TICAM2: variants seen among roughly 807,000 people sequenced by gnomAD.
TICAM2 encodes TIR domain containing adaptor molecule 2, also known as TIR domain-containing adapter molecule 2.
TICAM2 carries 8 observed loss-of-function variants against 7.3 expected under a neutral mutation model. The observed-to-expected ratio is 1.10, with a 90% CI of 0.65 to 1.99. TICAM2 has a LOEUF of 1.99. TICAM2 is among the 30% of genes most tolerant of loss of function. The probability of loss-of-function intolerance (pLI) is 0.00; values close to 1 mark genes in which losing one functional copy is unlikely to be tolerated. For synonymous variants in TICAM2, 113 were observed against 99.6 expected (o/e 1.13, Z -0.80); for missense variants, 304 against 278.8 (o/e 1.09, Z -0.65).
intron 1 of TICAM2, among the ~76,000 whole-genome samples, chr5:115,586,028 T>C (rs1329245277): frequency 6.6e-6 from 1 of 152,214 alleles, no homozygotes; most frequent in Non-Finnish European, 1.5e-5. Context: ...AGGCATTGAA[T>C]ATAGAGTCTG....
chr5:115,583,168 T>C (rs1346117027), intron 1 of TICAM2, among the ~76,000 whole-genome samples: 3 of 152,202 alleles, frequency 2.0e-5, no homozygotes, highest in South Asian at 2.1e-4. Context: ...GGTTTTGCTA[T>C]GCAAAGTTGC....
At chr5:115,589,321 G>A (rs1407425903) in intron 1 of TICAM2, among the ~76,000 whole-genome samples, 3 of 152,198 alleles carry the variant, frequency 2.0e-5, no homozygotes, top group East Asian at 1.9e-4. Flanking sequence ...ACAGATCCAC[G>A]CCAGCCAGAT....
In TICAM2 at chr5:115,590,066, G is replaced by A. The variant is rs1036862799; in HGVS notation, c.-59-8751C>T. On this transcript the variant is annotated intron_variant, in intron 1 of 1. Transcript: ENST00000427199. ...TTTTTAAATAATTATGTGAATATAG[G>A]GTCTGGTGCAGTTGTCCATGTCTGT... 2.6e-5 allele frequency among the ~76,000 whole-genome samples: 4 copies of A among 152,024 alleles called. No individual in the cohort carries two copies. In the East Asian group the frequency reaches 7.7e-4, roughly 29 times the overall value.
intron 1 of TICAM2, among the ~76,000 whole-genome samples, chr5:115,598,604 GT>G (rs1365602765): frequency 6.6e-6 from 1 of 152,146 alleles, no homozygotes; most frequent in African/African-American, 2.4e-5. Context: ...TATGGCAAGT[GT>G]TTTGATACTA....
rs1318858926 is a variant in TICAM2, at chr5:115,581,313, A to T, written c.-57T>A. Reference sequence around the variant, plus strand: ...TATGTATTTCTCAGCATTTCTTTTCAATCTAAAAGAAGTAACAAAACAGAA... The same window carrying T: ...TATGTATTTCTCAGCATTTCTTTTCTATCTAAAAGAAGTAACAAAACAGAA... On this transcript the variant is annotated splice_region_variant and 5_prime_UTR_variant, in exon 2 of 2. Coordinates refer to ENST00000427199, the MANE Select transcript of TICAM2 (RefSeq NM_021649.7). The T allele has an allele frequency of 6.3e-7, 1 of 1,596,012 alleles. No individual in the cohort carries two copies. Among genetic ancestry groups the T allele is most frequent in the Non-Finnish European group, 8.5e-7 (1 of 1,178,094 alleles).
rs1755559823 is a variant in TICAM2, at chr5:115,597,635, A to G, written c.-60+4462T>C. On this transcript the variant is annotated intron_variant, in intron 1 of 1. Transcript: ENST00000427199. ...TATGATCTCAGCTTTGTTAAACAAA[A>G]TGCAGAGAAAATAGATTAGAAAGAA... 2.6e-5 allele frequency among the ~76,000 whole-genome samples: 4 copies of G among 152,242 alleles called. No homozygotes were observed. In the South Asian group the frequency reaches 8.3e-4, roughly 32 times the overall value.
chr5:115,583,627 A>G (rs1755006451), intron 1 of TICAM2, among the ~76,000 whole-genome samples: 1 of 152,182 alleles, frequency 6.6e-6, no homozygotes, highest in South Asian at 2.1e-4. Context: ...CAAGCTGTGG[A>G]AAGTTGTGCT....
rs1561572764 is a variant in TICAM2 at position 115,581,285 on chromosome 5, CTT to C, written c.-31_-30del. On this transcript the variant is annotated 5_prime_UTR_variant, in exon 2 of 2. The change abolishes the stop of an existing upstream ORF in the 5' untranslated region. Transcript: ENST00000427199. ...AAATATCCAAGGCAGAAGAGGAAAACTTTATGTATTTCTCAGCATTTCTTTTC... is the reference window on the plus strand; with the variant it reads ...AAATATCCAAGGCAGAAGAGGAAAACTATGTATTTCTCAGCATTTCTTTTC... 1.2e-6 allele frequency: 2 copies of C among 1,601,556 alleles called. No homozygotes were observed. Among genetic ancestry groups the C allele is most frequent in the African/African-American group, 1.3e-5 (1 of 75,000 alleles).
At chr5:115,591,797 A>G (rs1259407498) in intron 1 of TICAM2, among the ~76,000 whole-genome samples, 4 of 152,158 alleles carry the variant, frequency 2.6e-5, no homozygotes, top group Admixed American at 6.5e-5. Flanking sequence ...CAACTATACA[A>G]TTAGAAGGTG....
intron 1 of TICAM2, among the ~76,000 whole-genome samples, chr5:115,594,562 C>T (rs1396451386): frequency 6.6e-6 from 1 of 152,164 alleles, no homozygotes. Flanking sequence ...CTAAGTTTTC[C>T]TCAGTCTGAA....
Position 115,581,226 on chromosome 5 carries a change from A to C in TICAM2, c.31T>G (p.Cys11Gly). The change falls in exon 2 of 2, where the codon TGC (cysteine) becomes GGC (glycine). Residue 11 changes from cysteine to glycine, a missense_variant. Cys to Gly is a radical substitution (Grantham distance 159, BLOSUM62 -3). Transcript: ENST00000427199. The stretch of plus-strand genomic sequence containing the variant: ...TTACCCCAAGAGAGAGAAAGAGGGC[A>C]GGAATTTATTTTAGACTTCCCGATA... MGIGKSKINS[C>G]PLSLSWGKRH... 1.2e-6 allele frequency: 2 copies of C among 1,610,564 alleles called. No homozygotes were observed. Among genetic ancestry groups the C allele is most frequent in the Non-Finnish European group, 1.7e-6 (2 of 1,179,974 alleles).
chr5:115,597,347 G>T (rs4920867), intron 1 of TICAM2, among the ~76,000 whole-genome samples: 13,758 of 152,112 alleles, frequency 0.09, 707 homozygotes, highest in Middle Eastern at 0.12. Flanking sequence ...TGAGTTATAT[G>T]ACTATATTTT....
intron 1 of TICAM2, among the ~76,000 whole-genome samples, chr5:115,583,159 G>T (rs984111137): frequency 4.6e-5 from 7 of 152,136 alleles, no homozygotes; most frequent in African/African-American, 1.7e-4. Flanking sequence ...AAAAAAAAGG[G>T]TTTTGCTATG....
chr5:115,600,140 AG>A (rs1190254717), intron 1 of TICAM2, among the ~76,000 whole-genome samples: 1 of 152,192 alleles, frequency 6.6e-6, no homozygotes, highest in Non-Finnish European at 1.5e-5. Context: ...GTAAATTCCT[AG>A]AATTCCGGCC....
rs1467028086 is a variant in TICAM2, at chr5:115,579,180, AT to A, written c.*1368del. On this transcript the variant is annotated 3_prime_UTR_variant, in exon 2 of 2. Transcript: ENST00000427199. Reference sequence around the variant, plus strand: ...AAATTATGCTGTCAATATACAAAAAATATCTTTTCATTATAAGCATATATAA... The same window carrying A: ...AAATTATGCTGTCAATATACAAAAAAATCTTTTCATTATAAGCATATATAA... 1.3e-5 allele frequency: 2 copies of A among 152,790 alleles called. No individual in the cohort carries two copies. The highest frequency in any genetic ancestry group is 4.8e-5 in the African/African-American group (2 of 41,600). The allele number at this position is 152,790 out of a possible 1,614,324, so 9.5% of individuals were successfully genotyped here. A position where few individuals can be genotyped will look rare whatever the true frequency, so the allele number is the denominator to read the frequency against.
At chr5:115,585,616 T>A (rs1362189637) in intron 1 of TICAM2, among the ~76,000 whole-genome samples, 1 of 152,036 alleles carries the variant, frequency 6.6e-6, no homozygotes, top group African/African-American at 2.4e-5. Context: ...ATTAACAGAA[T>A]TAGATAAAAA....
intron 1 of TICAM2, among the ~76,000 whole-genome samples, chr5:115,593,819 C>A (rs1561577563): frequency 6.6e-6 from 1 of 152,078 alleles, no homozygotes; most frequent in African/African-American, 2.4e-5. Context: ...AAATGTTAGA[C>A]AAATTGCTAA....
chr5:115,581,022 G>T lies in TICAM2; in HGVS notation c.235C>A (p.Leu79Ile). Residue 79 changes from leucine (L) to isoleucine (I), a missense_variant, in exon 2 of 2, where the codon CTC becomes ATC. Physicochemically the swap from Leu to Ile is conservative, Grantham distance 5. Transcript: ENST00000427199. ...FEEEAEEEVF[L>I]KFVILHAEDD... Reference sequence around the variant, plus strand: ...TCTGCATGCAATATCACAAATTTGAGGAACACCTCTTCTTCAGCTTCTTCT... The same window carrying T: ...TCTGCATGCAATATCACAAATTTGATGAACACCTCTTCTTCAGCTTCTTCT... 2 of 1,614,014 alleles carry T rather than the reference G, an allele frequency of 1.2e-6. No homozygotes were observed. The highest frequency in any genetic ancestry group is 1.7e-6 in the Non-Finnish European group (2 of 1,179,992).
At chr5:115,594,388 T>C (rs1755428004) in intron 1 of TICAM2, among the ~76,000 whole-genome samples, 1 of 152,216 alleles carries the variant, frequency 6.6e-6, no homozygotes, top group South Asian at 2.1e-4. Flanking sequence ...GCACTGTTTG[T>C]CTTAGATGTC....
Sources: gnomAD v4.1 joint callset for allele counts (sites outside exome capture counted in the v4.1 genomes callset) on GRCh38, gnomAD v4.1.1 for gene constraint, MANE v1.5 for transcripts, NCBI Gene and HGNC (gene_info 2026-07-23, HGNC 2026-07-21) for gene names.